The following FMNL3 variants were observed in gnomAD, a reference collection of about 807,000 sequenced individuals.
The protein encoded by FMNL3 is formin like 3, also known as formin-like protein 3.
In FMNL3, 57 loss-of-function variants were observed where a neutral mutation model predicts 119.6. The observed-to-expected ratio is 0.48, with a 90% CI of 0.39 to 0.59. The LOEUF is 0.59. Among genes scored for constraint, FMNL3 ranks in the 20% least tolerant of loss-of-function variants. The pLI, the probability that FMNL3 is intolerant of heterozygous loss-of-function variation, is 0.00. For missense variants in FMNL3, 1,053 were observed against 1,323.5 expected (o/e 0.80, Z 3.17); for synonymous variants, 491 against 507.3 (o/e 0.97, Z 0.43).
rs185624297 is a variant in FMNL3 at position 49,676,455 on chromosome 12, A to G, written c.127-7901T>C. Among the ~76,000 whole-genome samples, 163 of 152,254 alleles carry G rather than the reference A, an allele frequency of 1.1e-3. 1 individual carries two copies. Among genetic ancestry groups the G allele is most frequent in the African/African-American group, 3.7e-3 (155 of 41,538 alleles). ...ATGAAATCCACATGGATGAAATAACAAGAGAGAAAATACCAGGACACTGAT... is the reference window on the plus strand; with the variant it reads ...ATGAAATCCACATGGATGAAATAACGAGAGAGAAAATACCAGGACACTGAT... On this transcript the variant is annotated intron_variant, in intron 1 of 25. Transcript: ENST00000335154.
chr12:49,637,417 G>A lies in FMNL3; in HGVS notation c.*8398C>T. 7.8e-7 allele frequency: 1 copy of A among 1,277,270 alleles called. No homozygotes were observed. The highest frequency in any genetic ancestry group is 1.1e-6 in the Non-Finnish European group (1 of 882,330). The allele number at this position is 1,277,270 out of a possible 1,614,324, so 79.1% of individuals were successfully genotyped here. On this transcript the variant is annotated 3_prime_UTR_variant, in exon 26 of 26. Transcript: ENST00000335154. ...CATTCCCTCTCTTCCCCCTCAGTCT[G>A]TGGCTCTGCCTCCCTGTCTCACTCT...
intron 1 of FMNL3, among the ~76,000 whole-genome samples, chr12:49,673,294 T>A (rs1392282513): frequency 6.6e-6 from 1 of 152,224 alleles, no homozygotes; most frequent in Non-Finnish European, 1.5e-5. Flanking sequence ...GATCAGCTCA[T>A]TGAGCAGATG....
chr12:49,677,084 T>C (rs1944210056), intron 1 of FMNL3, among the ~76,000 whole-genome samples: 1 of 152,214 alleles, frequency 6.6e-6, no homozygotes, highest in African/African-American at 2.4e-5. Context: ...GATTACCTCC[T>C]TTCGAATTGC....
chr12:49,644,516 G>A lies in FMNL3; in HGVS notation c.*1299C>T, dbSNP rs966481924. The A allele has an allele frequency of 8.4e-6, 3 of 356,976 alleles. No homozygotes were observed. The highest frequency in any genetic ancestry group is 7.8e-5 in the Admixed American group (2 of 25,576). The allele number at this position is 356,976 out of a possible 1,614,324, so 22.1% of individuals were successfully genotyped here. On this transcript the variant is annotated 3_prime_UTR_variant, in exon 26 of 26. Transcript: ENST00000335154. ...AGTCACAGGCTGTTGGACGCAGCCT[G>A]GGTGGCAGAGGGCAGGGTCATCACC...
At position 49,651,201 on chromosome 12, in the gene FMNL3, G is replaced by C. The variant is rs759233178; in HGVS notation, c.1764C>G (p.Val588=). The C allele has an allele frequency of 6.8e-6, 11 of 1,613,746 alleles. No homozygotes were observed. The East Asian group carries it at 2.5e-4, about 36-fold the overall frequency. ...TCTTCTCATCATCAAGTTCGCTGAA[G>C]ACAGTGCCACTGATCTGGTTGGGTT... ...ALKPNQISGT[V]FSELDDEKIL... Residue 588 remains valine (V), a synonymous_variant, in exon 16 of 26, where the codon GTC becomes GTG. Coordinates refer to ENST00000335154, the MANE Select transcript of FMNL3 (RefSeq NM_175736.5).
chr12:49,699,759 C>T (rs533258173), intron 1 of FMNL3, among the ~76,000 whole-genome samples: 8 of 152,206 alleles, frequency 5.3e-5, no homozygotes, highest in African/African-American at 1.9e-4. Flanking sequence ...GAGCAAAGAA[C>T]GCAAATAAAA....
chr12:49,691,813 C>T (rs1444942375), intron 1 of FMNL3, among the ~76,000 whole-genome samples: 1 of 151,932 alleles, frequency 6.6e-6, no homozygotes, highest in Non-Finnish European at 1.5e-5. Context: ...ACGGGTGGAT[C>T]ATTTGAGGTC....
At chr12:49,679,227 A>C (rs889600040) in intron 1 of FMNL3, among the ~76,000 whole-genome samples, 1 of 152,176 alleles carries the variant, frequency 6.6e-6, no homozygotes, top group Non-Finnish European at 1.5e-5. Context: ...CCGCATCACA[A>C]AGCAAGCATA....
intron 1 of FMNL3, among the ~76,000 whole-genome samples, chr12:49,678,470 A>T (rs966518446): frequency 2.0e-5 from 3 of 151,276 alleles, no homozygotes; most frequent in African/African-American, 4.9e-5. Flanking sequence ...TTTTATTATT[A>T]TTTTTATTTT....
intron 21 of FMNL3, among the ~76,000 whole-genome samples, 190 bp from the exon 22 acceptor site, chr12:49,648,543 G>A (rs1271046252): frequency 1.3e-5 from 2 of 152,188 alleles, no homozygotes; most frequent in African/African-American, 4.8e-5. Flanking sequence ...AATGGAAACT[G>A]AGCTTGTGAC....
At chr12:49,658,369 C>T in intron 6 of FMNL3, 73 bp downstream of exon 6, 3 of 1,502,032 alleles carry the variant, frequency 2.0e-6, no homozygotes, top group African/African-American at 1.4e-5. Flanking sequence ...AGCATGAGCA[C>T]TCACTGCTGA....
intron 1 of FMNL3, among the ~76,000 whole-genome samples, chr12:49,706,828 TCTC>T (rs1276285456): frequency 6.6e-6 from 1 of 152,030 alleles, no homozygotes; most frequent in African/African-American, 2.4e-5. Context: ...ACTGGGGACT[TCTC>T]CTAAGGGTCC....
In FMNL3 at chr12:49,707,290, A is replaced by C; in HGVS notation, c.-110T>G. On this transcript the variant is annotated 5_prime_UTR_variant, in exon 1 of 26. Transcript: ENST00000335154. Reference sequence around the variant, plus strand: ...CTCAGCGCCGGCTCCCCGAGTCCCGACTCCTCGGCCCCGTCGAGGGCGCCG... The same window carrying C: ...CTCAGCGCCGGCTCCCCGAGTCCCGCCTCCTCGGCCCCGTCGAGGGCGCCG... 9.1e-7 allele frequency: 1 copy of C among 1,104,380 alleles called. No homozygotes were observed. The highest frequency in any genetic ancestry group is 1.2e-6 in the Non-Finnish European group (1 of 829,068). 68.4% of individuals were successfully genotyped at this position (1,104,380 alleles called of 1,614,324 possible).
chr12:49,642,965 G>A lies in FMNL3; in HGVS notation c.*2850C>T. ...AGCACCTCCACACCAAAGGCCGAAA[G>A]CATGGCAGGAAAGGCAAGAAGCACC... is the stretch of plus-strand genomic sequence containing the variant. On this transcript the variant is annotated 3_prime_UTR_variant, in exon 26 of 26. Coordinates refer to ENST00000335154, the MANE Select transcript of FMNL3 (RefSeq NM_175736.5). This position sits in a 1 kb window ranked among gnomAD's most constrained non-coding sequence, Gnocchi z 5.8. The A allele has an allele frequency of 6.2e-7, 1 of 1,613,864 alleles. No homozygotes were observed. The highest frequency in any genetic ancestry group is 1.1e-5 in the South Asian group (1 of 91,024).
chr12:49,658,201 G>A (rs1943629668), intron 6 of FMNL3, among the ~76,000 whole-genome samples: 1 of 152,194 alleles, frequency 6.6e-6, no homozygotes, highest in Non-Finnish European at 1.5e-5. Flanking sequence ...GAGGAATGGG[G>A]AGAGCTGGAA....
At position 49,643,011 on chromosome 12, in the gene FMNL3, C is replaced by T. The variant is rs1942877382; in HGVS notation, c.*2804G>A. 6.2e-7 allele frequency: 1 copy of T among 1,613,664 alleles called. No homozygotes were observed. The highest frequency in any genetic ancestry group is 8.5e-7 in the Non-Finnish European group (1 of 1,179,730). On this transcript the variant is annotated 3_prime_UTR_variant, in exon 26 of 26. Transcript: ENST00000335154. ...GCACCATCACAAGCGTTCCCACTCA[C>T]CCTCAGTGAGTAAGCGTGTAGAAGG...
In FMNL3 at chr12:49,654,954, G is replaced by A. The variant is rs1280637217; in HGVS notation, c.916C>T (p.Leu306=). 5.6e-6 allele frequency: 9 copies of A among 1,614,136 alleles called. No individual in the cohort carries two copies. Among genetic ancestry groups the A allele is most frequent in the Non-Finnish European group, 6.8e-6 (8 of 1,180,022 alleles). ...TCCTCATTCCGGAAATACTCCATCA[G>A]CTTCTCAAAGCGGTGCAGCTCCTTG... ...VCKELHRFEK[L]MEYFRNEDSN... The change falls in exon 10 of 26, where the codon CTG becomes TTG. Residue 306 remains leucine (L), a synonymous_variant. Coordinates refer to ENST00000335154, the MANE Select transcript of FMNL3 (RefSeq NM_175736.5).
At chr12:49,705,111 T>C (rs1391120318) in intron 1 of FMNL3, among the ~76,000 whole-genome samples, 1 of 152,134 alleles carries the variant, frequency 6.6e-6, no homozygotes, top group Non-Finnish European at 1.5e-5. Flanking sequence ...ATTGGAAAAC[T>C]GAGGTGAAAT....
intron 1 of FMNL3, among the ~76,000 whole-genome samples, chr12:49,706,811 G>A (rs1013144890): frequency 3.9e-5 from 6 of 152,226 alleles, no homozygotes; most frequent in Admixed American, 3.3e-4. Context: ...TCCTAGGACG[G>A]TCCCGAACTG....
Sources: gnomAD v4.1 joint callset for allele counts (sites outside exome capture counted in the v4.1 genomes callset) on GRCh38, gnomAD v4.1.1 for gene constraint, Gnocchi (gnomAD v3.1) non-coding constraint, MANE v1.5 for transcripts, NCBI Gene and HGNC (gene_info 2026-07-23, HGNC 2026-07-21) for gene names.